Variants in DCAF8L2 observed in about 807,000 individuals in gnomAD.
The protein encoded by DCAF8L2 is DDB1- and CUL4-associated factor 8-like protein 2.
For synonymous variants in DCAF8L2, 200 were observed against 190.9 expected, an observed-to-expected ratio of 1.05 and a Z score of -0.39; for missense variants, 430 against 490.7, an observed-to-expected ratio of 0.88 and a Z score of 1.17.
chrX:27,497,471 C>A, the DCAF8L2 span, among the ~76,000 whole-genome samples: 10 of 107,268 alleles, frequency 9.3e-5, no homozygotes, highest in African/African-American at 3.2e-4. Flanking sequence ...CATTTCCCAT[C>A]CTTCTTGCCC....
At chrX:27,695,222 T>A (rs1930850408) in intron 3 of DCAF8L2, among the ~76,000 whole-genome samples, 3 of 112,210 alleles carry the variant, frequency 2.7e-5, no homozygotes, top group Non-Finnish European at 3.8e-5. Context: ...TTCCTTGCTA[T>A]ACCATTCTGT....
At chrX:27,519,853 G>A in the DCAF8L2 span, 7 of 324,325 alleles carry the variant, frequency 2.2e-5, no homozygotes, top group Non-Finnish European at 3.2e-5. Context: ...AATGAAAAAG[G>A]ATGTGTGAAT....
chrX:27,719,914 T>C (rs1417993952), intron 4 of DCAF8L2, among the ~76,000 whole-genome samples: 1 of 111,572 alleles, frequency 9.0e-6, no homozygotes, highest in Non-Finnish European at 1.9e-5. Context: ...TTGTGTTTTT[T>C]TTTCTTTTAT....
At chrX:27,633,399 TCAAAG>T (rs1248788478) in intron 2 of DCAF8L2, 1 of 112,123 alleles carries the variant, frequency 8.9e-6, no homozygotes, top group Non-Finnish European at 1.9e-5. Flanking sequence ...GAATGTATAT[TCAAAG>T]CAATTTCCAG....
At chrX:27,512,778 G>GTAAAAAAAAAAAAA in the DCAF8L2 span, among the ~76,000 whole-genome samples, 1 of 2,523 alleles carries the variant, frequency 4.0e-4, no homozygotes, top group African/African-American at 2.5e-3. Flanking sequence ...ACAATCTTGA[G>GTAAAAAAAAAAAAA]CAAAAAAAAA....
At chrX:27,684,521 G>A (rs936388407) in intron 3 of DCAF8L2, among the ~76,000 whole-genome samples, 28 of 111,763 alleles carry the variant, frequency 2.5e-4, no homozygotes, top group African/African-American at 9.1e-4. Context: ...AAAAGAGGTT[G>A]AGACTAGTCC....
intron 4 of DCAF8L2, among the ~76,000 whole-genome samples, chrX:27,746,449 A>T (rs1463123627): frequency 1.8e-5 from 2 of 112,010 alleles, no homozygotes; most frequent in Non-Finnish European, 3.8e-5. Context: ...CTACATCTTC[A>T]TTTTATAGAG....
the DCAF8L2 span, among the ~76,000 whole-genome samples, chrX:27,545,364 A>G: frequency 8.9e-6 from 1 of 112,148 alleles, no homozygotes; most frequent in African/African-American, 3.2e-5. Context: ...ATTAAAGGCA[A>G]TCTCGACAAC....
intron 1 of DCAF8L2, among the ~76,000 whole-genome samples, chrX:27,602,077 A>C (rs186356788): frequency 1.7e-4 from 19 of 112,001 alleles, no homozygotes; most frequent in Admixed American, 3.8e-4. Context: ...TCTTTCTGAG[A>C]CAGAGTTTTG....
At chrX:27,578,633 GA>G in the DCAF8L2 span, among the ~76,000 whole-genome samples, 1 of 111,220 alleles carries the variant, frequency 9.0e-6, no homozygotes, top group Non-Finnish European at 1.9e-5. Flanking sequence ...TACAGAAAAG[GA>G]GAAAATTTTT....
intron 1 of DCAF8L2, among the ~76,000 whole-genome samples, chrX:27,611,039 T>C (rs940194232): frequency 8.9e-6 from 1 of 112,227 alleles, no homozygotes; most frequent in Non-Finnish European, 1.9e-5. Flanking sequence ...CTCAGGGCTA[T>C]GTTAACTGTA....
chrX:27,708,797 C>T (rs951169724), intron 3 of DCAF8L2, among the ~76,000 whole-genome samples: 1 of 112,601 alleles, frequency 8.9e-6, no homozygotes, highest in African/African-American at 3.2e-5. Context: ...TATTCCCAAT[C>T]TCAAGTAGCA....
intron 2 of DCAF8L2, among the ~76,000 whole-genome samples, chrX:27,643,006 A>G (rs1040307961): frequency 8.9e-6 from 1 of 111,963 alleles, no homozygotes; most frequent in African/African-American, 3.2e-5. Flanking sequence ...GTATATGCAG[A>G]CACCTTTACT....
chrX:27,682,080 C>T (rs559972812), intron 3 of DCAF8L2, among the ~76,000 whole-genome samples: 1 of 111,304 alleles, frequency 9.0e-6, no homozygotes, highest in Admixed American at 9.6e-5. Flanking sequence ...CCTCCCACCT[C>T]AGCCTCCCAG....
At chrX:27,633,071 T>C (rs1928357949) in intron 2 of DCAF8L2, 1 of 112,408 alleles carries the variant, frequency 8.9e-6, no homozygotes, top group South Asian at 3.6e-4. Flanking sequence ...TGCATATGTA[T>C]GTATAGAATG....
the DCAF8L2 span, among the ~76,000 whole-genome samples, chrX:27,502,062 T>C: frequency 9.3e-6 from 1 of 107,722 alleles, no homozygotes; most frequent in Non-Finnish European, 1.9e-5. Context: ...GGCTCACACC[T>C]GTAATCCCAG....
At chrX:27,618,671 A>C (rs776360741) in intron 1 of DCAF8L2, among the ~76,000 whole-genome samples, 5 of 110,807 alleles carry the variant, frequency 4.5e-5, no homozygotes, top group Admixed American at 3.9e-4. Context: ...CATTTAGAAG[A>C]GCTTGAAATT....
At chrX:27,551,369 A>C in the DCAF8L2 span, among the ~76,000 whole-genome samples, 1 of 110,960 alleles carries the variant, frequency 9.0e-6, no homozygotes, top group Admixed American at 9.7e-5. Flanking sequence ...AAAGGCTGAG[A>C]AGATCATTAT....
chrX:27,637,734 T>TA (rs1219761938), intron 2 of DCAF8L2, among the ~76,000 whole-genome samples: 3 of 108,812 alleles, frequency 2.8e-5, no homozygotes, highest in Admixed American at 2.0e-4. Context: ...GGCTCAAAAT[T>TA]TAATGAAAAG....
Sources: gnomAD v4.1 joint callset for allele counts (sites outside exome capture counted in the v4.1 genomes callset) on GRCh38, gnomAD v4.1.1 for gene constraint, MANE v1.5 for transcripts, NCBI Gene and HGNC (gene_info 2026-07-23, HGNC 2026-07-21) for gene names.